ME2: variants seen among roughly 807,000 people sequenced by gnomAD.
ME2 encodes NAD-dependent malic enzyme, mitochondrial.
A neutral mutation model predicts 73.7 loss-of-function variants in ME2; 60 were observed. The observed-to-expected ratio is 0.81, with a 90% CI of 0.66 to 1.01. ME2 has a LOEUF of 1.01. ME2 is among the 50% of genes least tolerant of loss of function. ME2 has a pLI of 0.00. For missense variants in ME2, 594 were observed against 705.5 expected, an observed-to-expected ratio of 0.84 and a Z score of 1.79; for synonymous variants, 199 against 236.9, an observed-to-expected ratio of 0.84 and a Z score of 1.47.
At chr18:50,927,447 T>C (rs976950219) in intron 12 of ME2, among the ~76,000 whole-genome samples, 23 of 151,942 alleles carry the variant, frequency 1.5e-4, no homozygotes, top group African/African-American at 5.1e-4. Context: ...ACGCCTGTAA[T>C]CCCAGCACTT....
At chr18:50,923,083 A>G (rs1917468136) in intron 10 of ME2, among the ~76,000 whole-genome samples, 1 of 152,130 alleles carries the variant, frequency 6.6e-6, no homozygotes, top group Non-Finnish European at 1.5e-5. Context: ...ATTACTACAA[A>G]TTTAACTTTT....
At chr18:50,904,778 GTTTTTCTC>G (rs1278890726) in intron 2 of ME2, among the ~76,000 whole-genome samples, 1 of 151,992 alleles carries the variant, frequency 6.6e-6, no homozygotes, top group African/African-American at 2.4e-5. Context: ...CTGCAAACTT[GTTTTTCTC>G]TTTGTCTAGG....
chr18:50,899,766 A>G (rs1223696209), intron 2 of ME2, among the ~76,000 whole-genome samples: 1 of 152,184 alleles, frequency 6.6e-6, no homozygotes, highest in Non-Finnish European at 1.5e-5. Context: ...CACTTCTGTC[A>G]ATACCATGTA....
intron 14 of ME2, 72 bp downstream of exon 14, chr18:50,939,712 CAG>C: frequency 9.6e-7 from 1 of 1,042,876 alleles, no homozygotes. Flanking sequence ...AAATTAAAGG[CAG>C]AGAGAGAATG....
intron 7 of ME2, 117 bp from the exon 8 acceptor site, chr18:50,920,339 C>T: frequency 1.5e-6 from 1 of 671,020 alleles, no homozygotes; most frequent in Non-Finnish European, 2.5e-6. Context: ...TTTCAGATGG[C>T]CTTAATTGAA....
intron 1 of ME2, among the ~76,000 whole-genome samples, chr18:50,882,831 C>G (rs1203091983): frequency 2.6e-5 from 4 of 152,128 alleles, no homozygotes; most frequent in Non-Finnish European, 5.9e-5. Context: ...CACCTATAAT[C>G]CCAGCTACTC....
At chr18:50,907,345 T>C (rs879026760) in intron 2 of ME2, among the ~76,000 whole-genome samples, 3 of 152,224 alleles carry the variant, frequency 2.0e-5, no homozygotes, top group Admixed American at 1.3e-4. Flanking sequence ...AATCCAGCCA[T>C]TTTTCCTGAA....
In ME2 at chr18:50,947,210, T is replaced by C; in HGVS notation, c.*26T>C. On this transcript the variant is annotated 3_prime_UTR_variant, in exon 16 of 16. Coordinates refer to ENST00000321341, the MANE Select transcript of ME2 (RefSeq NM_002396.5). ...AAGCACTCCCCTGATAAATACTTTC[T>C]GTGCTCCAGGGAACCCCTTTTTTCA... is the stretch of plus-strand genomic sequence containing the variant. 1 of 1,602,956 alleles carries C rather than the reference T, an allele frequency of 6.2e-7. No homozygotes were observed. The highest frequency in any genetic ancestry group is 2.2e-5 in the East Asian group (1 of 44,738).
chr18:50,928,274 G>C (rs560442991), intron 12 of ME2, among the ~76,000 whole-genome samples: 1 of 141,968 alleles, frequency 7.0e-6, no homozygotes. Context: ...GAGATGAAGC[G>C]TCACTGTGTT....
rs1329782119 is a variant in ME2, at chr18:50,949,979, T to A, written c.*2795T>A. ...AAAGAAATTAAAACATTACCTTCGA[T>A]GAGACTTTACCTAGCAAGAAGGTAA... On this transcript the variant is annotated 3_prime_UTR_variant, in exon 16 of 16. Coordinates refer to ENST00000321341, the MANE Select transcript of ME2 (RefSeq NM_002396.5). 6.6e-6 allele frequency: 1 copy of A among 152,214 alleles called. No homozygotes were observed. Among genetic ancestry groups the A allele is most frequent in the Non-Finnish European group, 1.5e-5 (1 of 68,030 alleles). 9.4% of individuals were successfully genotyped at this position (152,214 alleles called of 1,614,324 possible).
At chr18:50,911,176 C>G (rs1917147308) in intron 3 of ME2, among the ~76,000 whole-genome samples, 1 of 152,182 alleles carries the variant, frequency 6.6e-6, no homozygotes, top group African/African-American at 2.4e-5. Flanking sequence ...CATAGGTCAT[C>G]TGTTCTTTCC....
intron 13 of ME2, 72 bp from the exon 14 acceptor site, chr18:50,939,498 C>T: frequency 1.9e-6 from 2 of 1,035,186 alleles, no homozygotes; most frequent in Non-Finnish European, 3.0e-6. Context: ...ATTTATTTGC[C>T]TGAATATAGG....
At chr18:50,921,657 A>G (rs1456980656) in intron 10 of ME2, among the ~76,000 whole-genome samples, 1 of 152,142 alleles carries the variant, frequency 6.6e-6, no homozygotes, top group Non-Finnish European at 1.5e-5. Context: ...CCTCGCTGCA[A>G]CTTCTGCCTC....
rs1470645404 is a variant in ME2, at chr18:50,950,389, CAGGCAGCAGAATCT to C, written c.*3206_*3219del. The stretch of plus-strand genomic sequence containing the variant: ...TGCCCTCACAATCACTGCCTTAAAG[CAGGCAGCAGAATCT>C]TTTGGAGAACTAACAAGATTCTGAT... On this transcript the variant is annotated 3_prime_UTR_variant, in exon 16 of 16. Transcript: ENST00000321341. 2.0e-5 allele frequency: 3 copies of C among 149,688 alleles called. No homozygotes were observed. The highest frequency in any genetic ancestry group is 7.4e-5 in the African/African-American group (3 of 40,582). The allele number at this position is 149,688 out of a possible 1,614,324, so 9.3% of individuals were successfully genotyped here. A position where few individuals can be genotyped will look rare whatever the true frequency, so the allele number is the denominator to read the frequency against.
In ME2 at chr18:50,879,185, G is replaced by C. The variant is rs1005376148; in HGVS notation, c.-136G>C. 1.3e-5 allele frequency: 2 copies of C among 152,290 alleles called. No homozygotes were observed. Among genetic ancestry groups the C allele is most frequent in the African/African-American group, 2.4e-5 (1 of 41,460 alleles). 9.4% of individuals were successfully genotyped at this position (152,290 alleles called of 1,614,324 possible). A position where few individuals can be genotyped will look rare whatever the true frequency, so the allele number is the denominator to read the frequency against. On this transcript the variant is annotated 5_prime_UTR_variant, in exon 1 of 16. Coordinates refer to ENST00000321341, the MANE Select transcript of ME2 (RefSeq NM_002396.5). Reference sequence around the variant, plus strand: ...CGCGCCAGTGTGAGCCTGAGCTGACGGCGGCTCCGGGAGGCTCGCAGAAGG... The same window carrying C: ...CGCGCCAGTGTGAGCCTGAGCTGACCGCGGCTCCGGGAGGCTCGCAGAAGG...
In ME2 at chr18:50,916,925, CCTTTTT is replaced by C. The variant is rs3838888; in HGVS notation, c.469-414_469-409del. 4.3e-3 allele frequency: 659 copies of C among 153,210 alleles called. 10 individuals are homozygous for C. In the East Asian group the frequency reaches 0.064, roughly 15 times the overall value. 9.5% of individuals were successfully genotyped at this position (153,210 alleles called of 1,614,324 possible). On this transcript the variant is annotated intron_variant, in intron 5 of 15. Transcript: ENST00000321341. ...AAGTAGGTATTTTTTTTGTTCTAGA[CCTTTTT>C]CTTTTTCACAGTTGCTAAGGTTTTT... is the stretch of plus-strand genomic sequence containing the variant.
At chr18:50,918,734 CT>C (rs1327867212) in intron 7 of ME2, among the ~76,000 whole-genome samples, 7 of 140,164 alleles carry the variant, frequency 5.0e-5, no homozygotes, top group African/African-American at 1.9e-4. Flanking sequence ...TTCACAGGTT[CT>C]TGCTGTCTCT....
chr18:50,915,584 T>G (rs1917266085), intron 4 of ME2: 1 of 152,246 alleles, frequency 6.6e-6, no homozygotes, highest in Non-Finnish European at 1.5e-5. Context: ...GTTAAGTTTT[T>G]GGAAAATCAT....
intron 2 of ME2, among the ~76,000 whole-genome samples, chr18:50,904,752 T>G (rs1224822690): frequency 6.6e-6 from 1 of 152,104 alleles, no homozygotes; most frequent in Admixed American, 6.6e-5. Flanking sequence ...GGTAATGCAT[T>G]TAGACTATGC....
Sources: gnomAD v4.1 joint callset for allele counts (sites outside exome capture counted in the v4.1 genomes callset) on GRCh38, gnomAD v4.1.1 for gene constraint, MANE v1.5 for transcripts, NCBI Gene and HGNC (gene_info 2026-07-23, HGNC 2026-07-21) for gene names.